Variants in SMARCA4 observed in about 807,000 individuals in gnomAD.
SMARCA4 encodes the protein SWI/SNF related BAF chromatin remodeling complex subunit ATPase 4, also known as SWI/SNF-related matrix-associated actin-dependent regulator of chromatin subfamily A member 4.
In SMARCA4, 31 loss-of-function variants were observed where a neutral mutation model predicts 193.9. That is an observed-to-expected ratio of 0.16 (90% CI 0.12 to 0.22). SMARCA4 has a LOEUF of 0.22. Ranked by LOEUF, SMARCA4 falls within the 10% of genes least tolerant of loss-of-function variation. The pLI is 1.00. For missense variants in SMARCA4, 1,148 were observed against 2,296.0 expected (o/e 0.50, Z 10.22); for synonymous variants, 942 against 933.1 (o/e 1.01, Z -0.17).
intron 14 of SMARCA4, among the ~76,000 whole-genome samples, chr19:11,009,877 C>T (rs58841565): frequency 0.049 from 7,408 of 151,860 alleles, 245 homozygotes; most frequent in South Asian, 0.11. Context: ...TTAGTAGAGA[C>T]GGGGTTTCAC....
chr19:10,992,899 T>C (rs994427909), intron 8 of SMARCA4, among the ~76,000 whole-genome samples: 2 of 151,850 alleles, frequency 1.3e-5, no homozygotes, highest in African/African-American at 4.8e-5. Flanking sequence ...CCACCAACAT[T>C]TTTTTATATA....
intron 1 of SMARCA4, among the ~76,000 whole-genome samples, chr19:10,979,927 C>T (rs1379845962): frequency 1.3e-5 from 2 of 152,066 alleles, no homozygotes; most frequent in African/African-American, 2.4e-5. Context: ...TATGATCCTG[C>T]GATCAGGGCA....
intron 24 of SMARCA4, among the ~76,000 whole-genome samples, chr19:11,028,770 C>G (rs529842959): frequency 2.0e-5 from 3 of 152,312 alleles, no homozygotes; most frequent in African/African-American, 7.2e-5. Flanking sequence ...CCCAGTGGGT[C>G]AGGGAGCCCT....
chr19:11,022,028 G>A (rs2146427346), intron 19 of SMARCA4, 61 bp downstream of exon 19: 1 of 1,608,152 alleles, frequency 6.2e-7, no homozygotes, highest in Non-Finnish European at 8.5e-7. Flanking sequence ...TTGCTGGTTG[G>A]AACGTGTTGA....
At chr19:10,999,209 T>C (rs1260703442) in intron 11 of SMARCA4, among the ~76,000 whole-genome samples, 1 of 152,002 alleles carries the variant, frequency 6.6e-6, no homozygotes, top group East Asian at 1.9e-4. Context: ...CCTGGCTATA[T>C]TTCGTATTAT....
At chr19:11,011,699 T>C (rs958393766) in intron 15 of SMARCA4, 1 of 152,116 alleles carries the variant, frequency 6.6e-6, no homozygotes, top group African/African-American at 2.4e-5. Context: ...AAAAATATTT[T>C]AAAAATTAGC....
chr19:11,000,659 T>A (rs2087544148), intron 11 of SMARCA4, among the ~76,000 whole-genome samples: 1 of 151,898 alleles, frequency 6.6e-6, no homozygotes, highest in Non-Finnish European at 1.5e-5. Context: ...GGCAGGCAGA[T>A]CATGAGGTCA....
At chr19:10,983,797 A>G in intron 1 of SMARCA4, 1 of 405,830 alleles carries the variant, frequency 2.5e-6, no homozygotes, top group Non-Finnish European at 4.6e-6. Context: ...AGTGGAGAGC[A>G]GTGTGAAGGG....
chr19:11,048,269 T>C (rs1344059476), intron 30 of SMARCA4, among the ~76,000 whole-genome samples: 1 of 152,168 alleles, frequency 6.6e-6, no homozygotes, highest in Non-Finnish European at 1.5e-5. Flanking sequence ...TCTCACTCTG[T>C]CACCCAGGCT....
intron 30 of SMARCA4, among the ~76,000 whole-genome samples, chr19:11,046,973 A>G (rs1404245496): frequency 6.6e-6 from 1 of 151,768 alleles, no homozygotes; most frequent in East Asian, 1.9e-4. Flanking sequence ...AAAAAGCAAA[A>G]GAAAAGCTGC....
chr19:11,034,330 G>GA lies in SMARCA4; in HGVS notation c.3951+130_3951+131insA. 1 of 757,126 alleles carries GA rather than the reference G, an allele frequency of 1.3e-6. No homozygotes were observed. The allele number at this position is 757,126 out of a possible 1,614,324, so 46.9% of individuals were successfully genotyped here. On this transcript the variant is annotated intron_variant, in intron 28 of 34. Coordinates refer to ENST00000344626, the MANE Select transcript of SMARCA4 (RefSeq NM_003072.5). The surrounding 1 kb of genome is among the most constrained non-coding windows in gnomAD (Gnocchi z 7.0). ...GGAGCCAGGGACAGCTCACAGTGCA[G>GA]CCCACTCCCACCTCCAGACTGACCC...
intron 11 of SMARCA4, among the ~76,000 whole-genome samples, chr19:11,000,802 C>T (rs1051457119): frequency 4.7e-5 from 7 of 148,924 alleles, no homozygotes; most frequent in Admixed American, 1.3e-4. Context: ...CACTTAAACC[C>T]GGGAGGCGGA....
At chr19:11,000,810 G>A (rs1339731729) in intron 11 of SMARCA4, among the ~76,000 whole-genome samples, 1 of 150,388 alleles carries the variant, frequency 6.6e-6, no homozygotes, top group African/African-American at 2.5e-5. Flanking sequence ...CCCGGGAGGC[G>A]GATCACACCA....
chr19:10,967,829 C>G (rs544715996), intron 1 of SMARCA4, among the ~76,000 whole-genome samples: 58 of 151,688 alleles, frequency 3.8e-4, no homozygotes, highest in African/African-American at 1.4e-3. Context: ...GGATTACAGG[C>G]GTGCGCCACC....
intron 30 of SMARCA4, among the ~76,000 whole-genome samples, chr19:11,049,125 T>G (rs1412184744): frequency 1.3e-5 from 2 of 151,818 alleles, no homozygotes; most frequent in African/African-American, 2.4e-5. Context: ...GAACAGGAAG[T>G]GTGAGCAGTG....
chr19:11,009,711 C>CA (rs2088631061), intron 14 of SMARCA4, among the ~76,000 whole-genome samples: 2 of 125,696 alleles, frequency 1.6e-5, no homozygotes, highest in South Asian at 5.0e-4. Flanking sequence ...TTTTTTGAGA[C>CA]AGAGTCTTGC....
chr19:11,048,784 G>A (rs751645981), intron 30 of SMARCA4, among the ~76,000 whole-genome samples: 2 of 152,222 alleles, frequency 1.3e-5, no homozygotes, highest in Non-Finnish European at 2.9e-5. Context: ...CCTAGTTCGT[G>A]TTTTATTCTG....
chr19:11,010,546 G>C lies in SMARCA4; in HGVS notation c.2274+15G>C. ...AACAGTACCAGGTGAGGTAGGGGGTGGGGAGGCCACCGCCACGTAGCTGCC... is the reference window on the plus strand; with the variant it reads ...AACAGTACCAGGTGAGGTAGGGGGTCGGGAGGCCACCGCCACGTAGCTGCC... On this transcript the variant is annotated intron_variant, in intron 15 of 34. Coordinates refer to ENST00000344626, the MANE Select transcript of SMARCA4 (RefSeq NM_003072.5). 1 of 1,612,378 alleles carries C rather than the reference G, an allele frequency of 6.2e-7. No individual in the cohort carries two copies. The highest frequency in any genetic ancestry group is 8.5e-7 in the Non-Finnish European group (1 of 1,179,750).
At position 11,007,966 on chromosome 19, in the gene SMARCA4, A is replaced by T. The variant is rs767328169; in HGVS notation, c.2066A>T (p.Lys689Met). The T allele has an allele frequency of 1.3e-5, 21 of 1,613,658 alleles. No individual in the cohort carries two copies. Among genetic ancestry groups the T allele is most frequent in the South Asian group, 5.5e-5 (5 of 91,070 alleles). ...ACCCTGCCCGTGGAGGAGAAGAAGA[A>T]GATTCCAGATCCAGACAGCGATGAC... is the stretch of plus-strand genomic sequence containing the variant. Reference protein sequence around the residue: ...PPTLPVEEKKKIPDPDSDDVS... With the variant: ...PPTLPVEEKKMIPDPDSDDVS... The change falls in exon 14 of 35, where the codon AAG becomes ATG. Residue 689 changes from lysine (K) to methionine (M), a missense_variant. This residue lies in a region of SMARCA4 where 115 missense variants were observed against 175.1 expected (regional missense o/e 0.66). Coordinates refer to ENST00000344626, the MANE Select transcript of SMARCA4 (RefSeq NM_003072.5).
Sources: allele counts gnomAD v4.1 joint callset (sites outside exome capture counted in the v4.1 genomes callset), GRCh38; gene constraint gnomAD v4.1.1; regional missense constraint gnomAD v4.1.1; non-coding constraint Gnocchi (gnomAD v3.1); transcripts MANE v1.5; gene names NCBI Gene and HGNC (gene_info 2026-07-23, HGNC 2026-07-21).